The following ELP2 variants were observed in gnomAD, a reference collection of about 807,000 sequenced individuals.
ELP2 encodes elongator acetyltransferase complex subunit 2, also known as elongator complex protein 2.
Under a neutral mutation model 119.2 loss-of-function variants are expected in ELP2, and 90 were observed. The observed-to-expected ratio is 0.75, with a 90% CI of 0.64 to 0.90. The LOEUF (loss-of-function observed/expected upper bound fraction) is 0.90. Among genes scored for constraint, ELP2 ranks in the 40% least tolerant of loss-of-function variants. ELP2 has a pLI of 0.00. For synonymous variants in ELP2, 339 were observed against 331.0 expected, an observed-to-expected ratio of 1.02 and a Z score of -0.26; for missense variants, 921 against 967.8, an observed-to-expected ratio of 0.95 and a Z score of 0.64.
rs767389401 is a variant in ELP2, at chr18:36,175,097, A to G, written c.*456A>G. 6 of 158,568 alleles carry G rather than the reference A, an allele frequency of 3.8e-5. No individual in the cohort carries two copies. Among genetic ancestry groups the G allele is most frequent in the Admixed American group, 1.8e-4 (3 of 16,488 alleles). The allele number at this position is 158,568 out of a possible 1,614,324, so 9.8% of individuals were successfully genotyped here. ...GACCCTTCGCTTTGTTATATAACAT[A>G]TGCACACATACCCAGAATTTTGCAC... On this transcript the variant is annotated 3_prime_UTR_variant, in exon 22 of 22. Coordinates refer to ENST00000358232, the MANE Select transcript of ELP2 (RefSeq NM_018255.4).
chr18:36,169,041 C>T (rs762697232), intron 19 of ELP2, among the ~76,000 whole-genome samples: 8 of 149,250 alleles, frequency 5.4e-5, no homozygotes, highest in Non-Finnish European at 8.9e-5. Context: ...TCTCCTGCCT[C>T]AGCCTCCTGA....
intron 1 of ELP2, 89 bp from the exon 2 acceptor site, chr18:36,133,149 A>T: frequency 1.1e-6 from 1 of 893,046 alleles, no homozygotes; most frequent in Non-Finnish European, 1.8e-6. Context: ...TTTTACTAGC[A>T]TCGAAAACAC....
chr18:36,149,428 G>A (rs1167109685), intron 11 of ELP2, among the ~76,000 whole-genome samples: 1 of 149,608 alleles, frequency 6.7e-6, no homozygotes, highest in Non-Finnish European at 1.5e-5. Context: ...TTCCCGTCAT[G>A]CCTTAGGAAT....
chr18:36,153,798 A>G (rs2090477072), intron 11 of ELP2, among the ~76,000 whole-genome samples: 1 of 151,806 alleles, frequency 6.6e-6, no homozygotes, highest in African/African-American at 2.4e-5. Flanking sequence ...TTTATAGAGC[A>G]GTTTTAGGTT....
chr18:36,165,240 A>G (rs915779113), intron 18 of ELP2: 2 of 152,098 alleles, frequency 1.3e-5, no homozygotes, highest in African/African-American at 2.4e-5. Context: ...GTGTTAGCCC[A>G]CCTACCCACA....
intron 11 of ELP2, among the ~76,000 whole-genome samples, chr18:36,149,408 G>A (rs765891967): frequency 4.6e-5 from 7 of 150,562 alleles, no homozygotes; most frequent in East Asian, 3.9e-4. Context: ...AGGTACAACC[G>A]TACAACCCAT....
intron 4 of ELP2, 57 bp from the exon 5 acceptor site, chr18:36,138,738 T>C: frequency 3.0e-6 from 4 of 1,347,344 alleles, no homozygotes; most frequent in Non-Finnish European, 1.1e-6. Context: ...CCAACCTGTC[T>C]AGTTGGATAA....
At chr18:36,165,466 T>C (rs1185058389) in intron 18 of ELP2, among the ~76,000 whole-genome samples, 3 of 152,244 alleles carry the variant, frequency 2.0e-5, no homozygotes, top group African/African-American at 7.2e-5. Context: ...TCTGGTCTCT[T>C]TGTTTCTTGT....
At chr18:36,154,790 C>A in intron 11 of ELP2, 60 bp from the exon 12 acceptor site, 1 of 1,600,456 alleles carries the variant, frequency 6.2e-7, no homozygotes, top group Non-Finnish European at 8.5e-7. Context: ...GACGTGAGTG[C>A]TTTACTTTGG....
At chr18:36,136,424 T>C (rs770614509) in intron 3 of ELP2, 47 bp downstream of exon 3, 2 of 1,488,728 alleles carry the variant, frequency 1.3e-6, no homozygotes, top group South Asian at 2.3e-5. Context: ...TTTGTTCATT[T>C]GTTTTTTAAG....
chr18:36,161,402 G>A (rs1211266578), intron 17 of ELP2, among the ~76,000 whole-genome samples: 1 of 152,144 alleles, frequency 6.6e-6, no homozygotes, highest in African/African-American at 2.4e-5. Flanking sequence ...ATAAAACAGC[G>A]ATATCTCAAA....
chr18:36,158,874 T>C lies in ELP2; in HGVS notation c.1504T>C (p.Leu502=), dbSNP rs2090647446. 4 of 1,611,830 alleles carry C rather than the reference T, an allele frequency of 2.5e-6. No individual in the cohort carries two copies. The highest frequency in any genetic ancestry group is 1.7e-6 in the Non-Finnish European group (2 of 1,178,062). The change falls in exon 14 of 22, where the codon TTG becomes CTG. Residue 502 remains leucine (L), a synonymous_variant. Transcript: ENST00000358232. ...DLPEGATVPA[L]GLSNKAVFQG... ...TCCAGAAGGAGCCACTGTCCCTGCA[T>C]TGGGATTATCAAATAAAGCTGTCTT...
At chr18:36,173,524 G>A (rs2091143962) in intron 21 of ELP2, among the ~76,000 whole-genome samples, 1 of 152,178 alleles carries the variant, frequency 6.6e-6, no homozygotes, top group African/African-American at 2.4e-5. Flanking sequence ...GCATAATATG[G>A]AAGCATTTTC....
Position 36,133,246 on chromosome 18 carries a change from T to C in ELP2, c.147T>C (p.Val49=), listed in dbSNP as rs747081813. The C allele has an allele frequency of 2.5e-6, 4 of 1,612,366 alleles. No individual in the cohort carries two copies. The highest frequency in any genetic ancestry group is 1.1e-5 in the South Asian group (1 of 91,040). The stretch of plus-strand genomic sequence containing the variant: ...TATTTTCTTCTCTAAAGAAAAGGGT[T>C]GTTGTTACCAACTTGAATGGTCACA... ...SVVLYDPLKR[V]VVTNLNGHTA... is the part of the protein sequence containing the mutation. The change falls in exon 2 of 22, where the codon GTT becomes GTC. Residue 49 remains valine, a synonymous_variant. Transcript: ENST00000358232.
intron 19 of ELP2, among the ~76,000 whole-genome samples, chr18:36,168,243 A>G (rs669961): frequency 0.96 from 146,202 of 152,216 alleles, 70,500 homozygotes; most frequent in East Asian, 1. Context: ...CAGACTTTAC[A>G]TCTCAGACCC....
rs746118914 is a variant in ELP2 at position 36,171,106 on chromosome 18, C to A, written c.2270C>A (p.Thr757Asn). The A allele has an allele frequency of 1.2e-6, 2 of 1,614,110 alleles. No homozygotes were observed. Among genetic ancestry groups the A allele is most frequent in the South Asian group, 1.1e-5 (1 of 91,082 alleles). ...ATTTGCTTATATACCTGGAAAAAGA[C>A]TGATCAAGTTCCAGAAATAAATGAC... ...GKICLYTWKKTDQVPEINDWT... is the reference protein window; with the variant it reads ...GKICLYTWKKNDQVPEINDWT... Residue 757 changes from threonine (T) to asparagine (N), a missense_variant, in exon 21 of 22, where the codon ACT (threonine) becomes AAT (asparagine). Coordinates refer to ENST00000358232, the MANE Select transcript of ELP2 (RefSeq NM_018255.4).
chr18:36,146,680 A>G (rs906199549), intron 11 of ELP2, among the ~76,000 whole-genome samples: 1 of 152,134 alleles, frequency 6.6e-6, no homozygotes, highest in Non-Finnish European at 1.5e-5. Flanking sequence ...GGACTGCTAG[A>G]TCCCTATTAT....
At chr18:36,131,089 G>C (rs984224965) in intron 1 of ELP2, among the ~76,000 whole-genome samples, 1 of 152,084 alleles carries the variant, frequency 6.6e-6, no homozygotes, top group African/African-American at 2.4e-5. Context: ...TGGGAGGATC[G>C]CTTGAGCTCA....
At position 36,159,709 on chromosome 18, in the gene ELP2, A is replaced by G. The variant is rs1598807698; in HGVS notation, c.1535-26A>G. On this transcript the variant is annotated intron_variant, in intron 14 of 21. Coordinates refer to ENST00000358232, the MANE Select transcript of ELP2 (RefSeq NM_018255.4). ...AAGGAGATATAAAAATAGTGACTAT[A>G]TTCTTGATGTGTTTCTTCAAACTAG... 7 of 1,531,716 alleles carry G rather than the reference A, an allele frequency of 4.6e-6. No individual in the cohort carries two copies. In the African/African-American group the frequency reaches 6.8e-5, roughly 15 times the overall value. 94.9% of individuals were successfully genotyped at this position (1,531,716 alleles called of 1,614,324 possible).
Sources: allele counts gnomAD v4.1 joint callset (sites outside exome capture counted in the v4.1 genomes callset), GRCh38; gene constraint gnomAD v4.1.1; transcripts MANE v1.5; gene names NCBI Gene and HGNC (gene_info 2026-07-23, HGNC 2026-07-21).